Variants in DMC1 observed in about 807,000 individuals in gnomAD.
DMC1 encodes the protein meiotic recombination protein DMC1 homolog.
Under a neutral mutation model 50.1 loss-of-function variants are expected in DMC1, and 27 were observed. The ratio of observed to expected loss-of-function variants is 0.54; its 90% CI spans 0.40 to 0.74. DMC1 has a LOEUF of 0.74. Ranked by LOEUF, DMC1 falls within the 30% of genes least tolerant of loss-of-function variation. The probability of loss-of-function intolerance (pLI) is 0.00; values close to 1 mark genes in which losing one functional copy is unlikely to be tolerated. For missense variants in DMC1, 295 were observed against 420.2 expected (o/e 0.70, Z 2.60); for synonymous variants, 148 against 136.1 (o/e 1.09, Z -0.61).
chr22:38,526,439 A>C (rs1262451366), intron 12 of DMC1, among the ~76,000 whole-genome samples: 1 of 151,816 alleles, frequency 6.6e-6, no homozygotes, highest in African/African-American at 2.4e-5. Flanking sequence ...CGAACTCCTG[A>C]CCTCATGATC....
At chr22:38,564,340 C>T (rs1330570552) in intron 4 of DMC1, among the ~76,000 whole-genome samples, 2 of 152,164 alleles carry the variant, frequency 1.3e-5, no homozygotes, top group East Asian at 1.9e-4. Flanking sequence ...GACAGAGTCT[C>T]GCTGTGTCAC....
At position 38,546,283 on chromosome 22, in the gene DMC1, G is replaced by A. The variant is rs181331022; in HGVS notation, c.494+3642C>T. Among the ~76,000 whole-genome samples, 168 of 88,396 alleles carry A rather than the reference G, an allele frequency of 1.9e-3. No individual in the cohort carries two copies. The African/African-American group carries it at 0.019, about 10-fold the overall frequency. 58.0% of individuals were successfully genotyped at this position (88,396 alleles called of 152,430 possible). On this transcript the variant is annotated intron_variant, in intron 8 of 13. Coordinates refer to ENST00000216024, the MANE Select transcript of DMC1 (RefSeq NM_007068.4). Reference sequence around the variant, plus strand: ...CATGCACCTGTAATCGCAGCTACTCGGGAGGCTGAGGAGGAGAATCGCTTG... The same window carrying A: ...CATGCACCTGTAATCGCAGCTACTCAGGAGGCTGAGGAGGAGAATCGCTTG...
At chr22:38,535,280 CAG>C (rs1301057929) in intron 12 of DMC1, among the ~76,000 whole-genome samples, 2 of 148,428 alleles carry the variant, frequency 1.3e-5, no homozygotes, top group East Asian at 4.0e-4. Context: ...GCCTGGGTGA[CAG>C]AGCGAGACTC....
At position 38,538,562 on chromosome 22, in the gene DMC1, C is replaced by T; in HGVS notation, c.637G>A (p.Glu213Lys). The change falls in exon 10 of 14, where the codon GAA becomes AAA. Residue 213 changes from glutamate (E) to lysine (K), a missense_variant. Coordinates refer to ENST00000216024, the MANE Select transcript of DMC1 (RefSeq NM_007068.4). ...ACCAATAGCTTGAAGATGCCAGCTT[C>T]TTCATGGAACTTTGCTGCTACATAA... ...LDYVAAKFHE[E>K]AGIFKLLIID... The T allele has an allele frequency of 1.2e-6, 2 of 1,614,014 alleles. No individual in the cohort carries two copies. The highest frequency in any genetic ancestry group is 1.7e-6 in the Non-Finnish European group (2 of 1,179,962).
chr22:38,543,649 G>C (rs560446978), intron 8 of DMC1, among the ~76,000 whole-genome samples: 1 of 152,188 alleles, frequency 6.6e-6, no homozygotes, highest in South Asian at 2.1e-4. Context: ...CCTTCTTCTT[G>C]CTTTCTTGCC....
At chr22:38,544,961 C>A (rs977330465) in intron 8 of DMC1, among the ~76,000 whole-genome samples, 1 of 152,020 alleles carries the variant, frequency 6.6e-6, no homozygotes, top group Non-Finnish European at 1.5e-5. Flanking sequence ...CTAACTCAGA[C>A]CTGTCTCAGA....
intron 8 of DMC1, among the ~76,000 whole-genome samples, chr22:38,547,212 C>T (rs1248874695): frequency 1.3e-5 from 2 of 152,098 alleles, no homozygotes; most frequent in Non-Finnish European, 2.9e-5. Flanking sequence ...AAATTTATTT[C>T]GTAGAGACAC....
intron 8 of DMC1, among the ~76,000 whole-genome samples, chr22:38,548,608 T>C (rs2090370417): frequency 6.6e-6 from 1 of 152,116 alleles, no homozygotes; most frequent in African/African-American, 2.4e-5. Flanking sequence ...GCGTGATGGC[T>C]CACGCCTATA....
At chr22:38,553,370 C>T (rs980164031) in intron 6 of DMC1, among the ~76,000 whole-genome samples, 9 of 149,358 alleles carry the variant, frequency 6.0e-5, no homozygotes, top group Middle Eastern at 3.5e-3. Flanking sequence ...TGGTGGTGGG[C>T]GCCTGTAGTC....
intron 13 of DMC1, among the ~76,000 whole-genome samples, 165 bp from the exon 14 acceptor site, chr22:38,520,254 C>T (rs1310971223): frequency 1.3e-5 from 2 of 152,176 alleles, no homozygotes; most frequent in Non-Finnish European, 2.9e-5. Context: ...TATTATTAAC[C>T]CTCACAAACA....
Position 38,532,392 on chromosome 22 carries a change from G to A in DMC1, c.836+5200C>T, listed in dbSNP as rs544589949. 6.5e-4 allele frequency among the ~76,000 whole-genome samples: 97 copies of A among 149,926 alleles called. No homozygotes were observed. The Middle Eastern group carries it at 0.014, about 22-fold the overall frequency. On this transcript the variant is annotated intron_variant, in intron 12 of 13. Coordinates refer to ENST00000216024, the MANE Select transcript of DMC1 (RefSeq NM_007068.4). ...GGCTGGAGTGCAGGGGTGTGATCTC[G>A]GCTCACTGCAACCTCCCCTCCCGGG...
At chr22:38,556,162 T>G (rs961029834) in intron 5 of DMC1, among the ~76,000 whole-genome samples, 1 of 152,166 alleles carries the variant, frequency 6.6e-6, no homozygotes, top group Non-Finnish European at 1.5e-5. Flanking sequence ...TATTTAATAT[T>G]GTGCTGGAAC....
downstream of DMC1, among the ~76,000 whole-genome samples, chr22:38,515,679 A>G (rs940646578): frequency 2.8e-4 from 43 of 151,658 alleles, no homozygotes; most frequent in Non-Finnish European, 5.6e-4. Context: ...GGCGCCTGCA[A>G]TCTCAGCTAC....
At chr22:38,528,361 G>C (rs2090118495) in intron 12 of DMC1, among the ~76,000 whole-genome samples, 1 of 151,860 alleles carries the variant, frequency 6.6e-6, no homozygotes, top group African/African-American at 2.4e-5. Context: ...ACTGCGCCTG[G>C]CCTGAATCTT....
intron 13 of DMC1, among the ~76,000 whole-genome samples, chr22:38,520,572 G>T (rs1194910373): frequency 1.3e-5 from 2 of 152,152 alleles, no homozygotes; most frequent in Admixed American, 1.3e-4. Flanking sequence ...TGGCCAGGCT[G>T]GTCTTGAACT....
intron 4 of DMC1, among the ~76,000 whole-genome samples, chr22:38,565,977 G>A (rs1350353282): frequency 6.6e-6 from 1 of 152,106 alleles, no homozygotes; most frequent in East Asian, 1.9e-4. Context: ...GAGGAGAAAG[G>A]TAAAAAATAA....
chr22:38,521,586 C>CAT (rs2090027462), intron 13 of DMC1, 22 bp downstream of exon 13: 1 of 1,277,940 alleles, frequency 7.8e-7, no homozygotes, highest in Admixed American at 1.8e-5. Flanking sequence ...CACACACACA[C>CAT]ACAAAATAAA....
intron 5 of DMC1, among the ~76,000 whole-genome samples, chr22:38,557,963 T>TTTTTTTTTTTC (rs2090485830): frequency 7.8e-6 from 1 of 128,966 alleles, no homozygotes; most frequent in Non-Finnish European, 1.7e-5. Flanking sequence ...GTTCTTTTTT[T>TTTTTTTTTTTC]TTTTTTTTTT....
In DMC1 at chr22:38,562,304, G is replaced by C; in HGVS notation, c.309C>G (p.Thr103=). The change falls in exon 5 of 14, where the codon ACC becomes ACG. Residue 103 remains threonine (T), a synonymous_variant. Transcript: ENST00000216024. ...ATACATACTCAAATTCCTGGCTCCC[G>C]GTGGTGATATGGAAAACCATTTTCC... ...EKRKMVFHIT[T]GSQEFDKLLG... The C allele has an allele frequency of 6.2e-7, 1 of 1,610,178 alleles. No homozygotes were observed. Among genetic ancestry groups the C allele is most frequent in the East Asian group, 2.2e-5 (1 of 44,770 alleles).
Sources: allele counts gnomAD v4.1 joint callset (sites outside exome capture counted in the v4.1 genomes callset), GRCh38; gene constraint gnomAD v4.1.1; transcripts MANE v1.5; gene names NCBI Gene and HGNC (gene_info 2026-07-23, HGNC 2026-07-21).